MEGF11: variants seen among roughly 807,000 people sequenced by gnomAD.
MEGF11 encodes multiple epidermal growth factor-like domains protein 11.
In MEGF11, 126 loss-of-function variants were observed where a neutral mutation model predicts 146.6. That is an observed-to-expected ratio of 0.86 (90% CI 0.74 to 1.00). The LOEUF (loss-of-function observed/expected upper bound fraction) is 1.00. MEGF11 is among the 50% of genes least tolerant of loss of function. The pLI is 0.00. For synonymous variants in MEGF11, 532 were observed against 583.4 expected, an observed-to-expected ratio of 0.91 and a Z score of 1.27; for missense variants, 1,509 against 1,521.2, an observed-to-expected ratio of 0.99 and a Z score of 0.13.
chr15:66,144,088 C>T (rs1017429541), intron 1 of MEGF11, among the ~76,000 whole-genome samples: 2 of 152,180 alleles, frequency 1.3e-5, no homozygotes, highest in Admixed American at 6.5e-5. Context: ...CTGGAGGGAA[C>T]ATCTCGTTCC....
At chr15:65,917,089 GC>G (rs2079025393) in intron 16 of MEGF11, 133 bp from the exon 17 acceptor site, 1 of 975,290 alleles carries the variant, frequency 1.0e-6, no homozygotes, top group Admixed American at 3.3e-5. Flanking sequence ...GCTTTCAGGG[GC>G]TTCATGCACT....
intron 10 of MEGF11, among the ~76,000 whole-genome samples, chr15:65,938,499 A>C (rs1391603304): frequency 6.6e-6 from 1 of 152,132 alleles, no homozygotes; most frequent in Non-Finnish European, 1.5e-5. Flanking sequence ...ACCCTTTCTT[A>C]GCACCTGGAA....
intron 1 of MEGF11, among the ~76,000 whole-genome samples, chr15:66,246,935 C>T (rs2092303900): frequency 6.6e-6 from 1 of 152,162 alleles, no homozygotes; most frequent in African/African-American, 2.4e-5. Flanking sequence ...ACTGCGGCCT[C>T]CCTCCCAGAA....
At chr15:66,182,781 T>C (rs1247971103) in intron 1 of MEGF11, among the ~76,000 whole-genome samples, 1 of 152,136 alleles carries the variant, frequency 6.6e-6, no homozygotes, top group Non-Finnish European at 1.5e-5. Context: ...AAATAAGCGA[T>C]GGGAGTTAGG....
At chr15:66,111,822 G>A (rs1428162138) in intron 4 of MEGF11, among the ~76,000 whole-genome samples, 1 of 152,196 alleles carries the variant, frequency 6.6e-6, no homozygotes, top group East Asian at 1.9e-4. Flanking sequence ...TTTGCACATC[G>A]TGAATATACT....
intron 5 of MEGF11, among the ~76,000 whole-genome samples, chr15:66,008,708 T>C (rs1283605004): frequency 6.6e-6 from 1 of 151,918 alleles, no homozygotes; most frequent in Non-Finnish European, 1.5e-5. Flanking sequence ...CCTGTGGTCC[T>C]GGCTACTCAG....
chr15:66,195,784 A>G (rs568037347), intron 1 of MEGF11, among the ~76,000 whole-genome samples: 1 of 152,302 alleles, frequency 6.6e-6, no homozygotes, highest in East Asian at 1.9e-4. Context: ...GTGTCAGAAA[A>G]GCCCCAGGAC....
chr15:66,092,424 G>A (rs2086357759), intron 5 of MEGF11, among the ~76,000 whole-genome samples: 1 of 152,212 alleles, frequency 6.6e-6, no homozygotes, highest in Non-Finnish European at 1.5e-5. Flanking sequence ...CAACCAATGA[G>A]GGTGGATTTA....
intron 4 of MEGF11, among the ~76,000 whole-genome samples, chr15:66,112,884 T>C (rs2087508041): frequency 6.6e-6 from 1 of 152,122 alleles, no homozygotes; most frequent in Non-Finnish European, 1.5e-5. Flanking sequence ...TGGTAACTCA[T>C]AGACCTTCCC....
chr15:66,131,367 T>C (rs1343990864), intron 1 of MEGF11, among the ~76,000 whole-genome samples: 3 of 152,236 alleles, frequency 2.0e-5, no homozygotes, highest in Admixed American at 6.5e-5. Context: ...TGCCATCAGC[T>C]GCAGTGCACT....
chr15:66,241,950 A>C (rs2092219268), intron 1 of MEGF11, among the ~76,000 whole-genome samples: 1 of 152,250 alleles, frequency 6.6e-6, no homozygotes, highest in Non-Finnish European at 1.5e-5. Context: ...TCTAGACACA[A>C]GTGGAAACAC....
intron 1 of MEGF11, among the ~76,000 whole-genome samples, chr15:66,224,739 CAT>C (rs1034287489): frequency 1.5e-4 from 22 of 145,158 alleles, no homozygotes; most frequent in African/African-American, 5.5e-4. Context: ...ATGTATATCT[CAT>C]ATATATATAT....
intron 1 of MEGF11, among the ~76,000 whole-genome samples, chr15:66,239,002 G>T (rs1309495187): frequency 6.6e-6 from 1 of 152,242 alleles, no homozygotes; most frequent in African/African-American, 2.4e-5. Flanking sequence ...GTCTGCCACA[G>T]AGCAGGTGCT....
intron 4 of MEGF11, among the ~76,000 whole-genome samples, chr15:66,094,744 T>C (rs747682322): frequency 9.9e-5 from 15 of 152,210 alleles, no homozygotes; most frequent in Non-Finnish European, 2.9e-5. Flanking sequence ...GGAGAAGCGG[T>C]AACTCCGTTG....
intron 1 of MEGF11, among the ~76,000 whole-genome samples, chr15:66,163,151 G>A (rs780775810): frequency 6.6e-6 from 1 of 152,154 alleles, no homozygotes; most frequent in African/African-American, 2.4e-5. Flanking sequence ...GGAAACAGAG[G>A]GCAGAGGGGG....
intron 18 of MEGF11, 103 bp downstream of exon 18, chr15:65,916,045 G>T: frequency 7.3e-7 from 1 of 1,362,192 alleles, no homozygotes; most frequent in South Asian, 1.6e-5. Flanking sequence ...AGGGACCAAG[G>T]GGTACAGAGC....
intron 10 of MEGF11, among the ~76,000 whole-genome samples, chr15:65,952,611 G>A (rs143962953): frequency 6.6e-6 from 1 of 152,334 alleles, no homozygotes; most frequent in African/African-American, 2.4e-5. Flanking sequence ...GCACAGAGTA[G>A]CCTTGAATCC....
chr15:65,964,929 CA>C lies in MEGF11; in HGVS notation c.1090del (p.Cys364ValfsTer12), dbSNP rs529459193. 3.8e-5 allele frequency: 59 copies of C among 1,569,610 alleles called. No homozygotes were observed. The East Asian group carries it at 1.3e-3, about 34-fold the overall frequency. On this transcript the variant is annotated frameshift_variant, in exon 9 of 26. Coordinates refer to ENST00000395614, the MANE Select transcript of MEGF11 (RefSeq NM_001385028.1). LOFTEE classifies it high-confidence loss of function. Reference protein sequence around the residue: ...HGPGCTLPCPCDADNTISCHP... With the variant: ...HGPGCTLPCPXDADNTISCHP... Reference sequence around the variant, plus strand: ...ATACCTGATGGTGTTGTCAGCGTCACAGGGGCAGGGCAGGGTGCAGCCTGGG... The same window carrying C: ...ATACCTGATGGTGTTGTCAGCGTCACGGGGCAGGGCAGGGTGCAGCCTGGG...
At chr15:66,226,573 A>G (rs899387616) in intron 1 of MEGF11, among the ~76,000 whole-genome samples, 1 of 152,198 alleles carries the variant, frequency 6.6e-6, no homozygotes, top group African/African-American at 2.4e-5. Context: ...TAATGGCCCC[A>G]AAGCGCAACA....
Sources: allele counts gnomAD v4.1 joint callset (sites outside exome capture counted in the v4.1 genomes callset), GRCh38; gene constraint gnomAD v4.1.1; transcripts MANE v1.5; gene names NCBI Gene and HGNC (gene_info 2026-07-23, HGNC 2026-07-21).